CPNE2: variants seen among roughly 807,000 people sequenced by gnomAD.
CPNE2 encodes the protein copine-2.
Under a neutral mutation model 69.7 loss-of-function variants are expected in CPNE2, and 42 were observed. The observed-to-expected ratio is 0.60, with a 90% CI of 0.47 to 0.78. The LOEUF is 0.78. Among genes scored for constraint, CPNE2 ranks in the 30% least tolerant of loss-of-function variants. The probability of loss-of-function intolerance (pLI) is 0.00; values close to 1 mark genes in which losing one functional copy is unlikely to be tolerated. For synonymous variants in CPNE2, 294 were observed against 289.8 expected, an observed-to-expected ratio of 1.01 and a Z score of -0.15; for missense variants, 587 against 732.0, an observed-to-expected ratio of 0.80 and a Z score of 2.29.
chr16:57,096,518 C>G (rs547954544), intron 1 of CPNE2, among the ~76,000 whole-genome samples: 2 of 152,050 alleles, frequency 1.3e-5, no homozygotes, highest in African/African-American at 4.8e-5. Context: ...ATGGCAAAAA[C>G]CCGTCTTTAC....
chr16:57,099,039 T>G (rs1311823489), intron 1 of CPNE2, among the ~76,000 whole-genome samples: 1 of 152,164 alleles, frequency 6.6e-6, no homozygotes, highest in African/African-American at 2.4e-5. Context: ...AACCAACATA[T>G]CTGGGTCACC....
intron 2 of CPNE2, among the ~76,000 whole-genome samples, chr16:57,111,311 G>A (rs757290955): frequency 6.6e-6 from 1 of 151,766 alleles, no homozygotes; most frequent in African/African-American, 2.4e-5. Flanking sequence ...CGATTAGCTG[G>A]GGCTACAGGT....
At chr16:57,135,577 G>A (rs1200053438) in intron 13 of CPNE2, among the ~76,000 whole-genome samples, 16 of 152,036 alleles carry the variant, frequency 1.1e-4, no homozygotes, top group Non-Finnish European at 1.8e-4. Context: ...TGAGGTGGGA[G>A]GAAAGAAAGA....
At chr16:57,117,442 G>T in intron 4 of CPNE2, 54 bp from the exon 5 acceptor site, 2 of 1,582,032 alleles carry the variant, frequency 1.3e-6, no homozygotes, top group South Asian at 2.3e-5. Context: ...GTGCCATCCT[G>T]CCTGGCAGGA....
chr16:57,117,818 T>C (rs1209525473), intron 5 of CPNE2, among the ~76,000 whole-genome samples: 1 of 152,150 alleles, frequency 6.6e-6, no homozygotes, highest in Non-Finnish European at 1.5e-5. Context: ...TCACTTAGTG[T>C]AAGTACATTC....
intron 11 of CPNE2, among the ~76,000 whole-genome samples, chr16:57,127,193 A>G (rs2069806660): frequency 6.6e-6 from 1 of 152,218 alleles, no homozygotes; most frequent in Non-Finnish European, 1.5e-5. Flanking sequence ...AGGGAAATCT[A>G]CAGAGCGAAG....
intron 14 of CPNE2, among the ~76,000 whole-genome samples, chr16:57,138,554 T>G (rs1244984626): frequency 6.6e-6 from 1 of 152,132 alleles, no homozygotes; most frequent in African/African-American, 2.4e-5. Flanking sequence ...ACCCCCCGTG[T>G]GTTCCTCGAG....
chr16:57,123,737 A>C (rs2069780100), intron 10 of CPNE2: 1 of 517,320 alleles, frequency 1.9e-6, no homozygotes, highest in Non-Finnish European at 3.5e-6. Flanking sequence ...CTGCGGGTGG[A>C]GGAAAACAAA....
At chr16:57,124,087 CT>C (rs1187084598) in intron 10 of CPNE2, 628 of 145,272 alleles carry the variant, frequency 4.3e-3, no homozygotes, top group South Asian at 0.011. Context: ...CTTTTCTTTT[CT>C]TTTTTTTTTT....
intron 1 of CPNE2, among the ~76,000 whole-genome samples, chr16:57,101,381 A>C (rs1274358374): frequency 2.6e-5 from 4 of 152,200 alleles, no homozygotes; most frequent in African/African-American, 9.7e-5. Context: ...GGATGCATTC[A>C]AGATACGTTC....
intron 1 of CPNE2, among the ~76,000 whole-genome samples, chr16:57,105,346 A>G (rs1047418508): frequency 1.3e-4 from 20 of 152,080 alleles, no homozygotes; most frequent in South Asian, 2.1e-4. Flanking sequence ...CTCAGCACCA[A>G]TGTCCAAGCC....
At chr16:57,101,387 C>G (rs150653220) in intron 1 of CPNE2, among the ~76,000 whole-genome samples, 1 of 152,198 alleles carries the variant, frequency 6.6e-6, no homozygotes, top group Non-Finnish European at 1.5e-5. Context: ...ATTCAAGATA[C>G]GTTCCAACCC....
intron 14 of CPNE2, among the ~76,000 whole-genome samples, chr16:57,145,355 G>A (rs557982034): frequency 6.6e-6 from 1 of 152,188 alleles, no homozygotes; most frequent in Admixed American, 6.5e-5. Flanking sequence ...TCATAGAATT[G>A]AAAGGCCACT....
chr16:57,094,234 C>T (rs1405568735), intron 1 of CPNE2: 1 of 373,770 alleles, frequency 2.7e-6, no homozygotes, highest in Non-Finnish European at 5.4e-6. Flanking sequence ...CCTTGTCACC[C>T]CTTGGACTTG....
At chr16:57,111,713 T>C (rs1186836811) in intron 2 of CPNE2, among the ~76,000 whole-genome samples, 1 of 152,174 alleles carries the variant, frequency 6.6e-6, no homozygotes, top group Non-Finnish European at 1.5e-5. Flanking sequence ...TATATATTTT[T>C]TTTCTGCTGA....
chr16:57,145,717 T>G, intron 14 of CPNE2: 1 of 248,600 alleles, frequency 4.0e-6, no homozygotes, highest in East Asian at 1.2e-4. Context: ...ACTTTGCAGA[T>G]GAAGAAACTG....
intron 14 of CPNE2, among the ~76,000 whole-genome samples, chr16:57,138,101 C>T (rs1038583886): frequency 2.0e-5 from 3 of 152,212 alleles, no homozygotes; most frequent in Admixed American, 6.5e-5. Context: ...GCTCCAGCGC[C>T]GTGACGGGGA....
intron 1 of CPNE2, among the ~76,000 whole-genome samples, chr16:57,105,828 T>C (rs1350308501): frequency 6.6e-6 from 1 of 152,120 alleles, no homozygotes; most frequent in Non-Finnish European, 1.5e-5. Flanking sequence ...GGACCATGCT[T>C]TAAGCAGGCC....
rs774881469 is a variant in CPNE2 at position 57,125,940 on chromosome 16, C to T, written c.1008C>T (p.Asn336=). The change falls in exon 11 of 16, where the codon AAC becomes AAT. Residue 336 remains asparagine (N), a synonymous_variant. Coordinates refer to ENST00000290776, the MANE Select transcript of CPNE2 (RefSeq NM_152727.6). The part of the protein sequence containing the change: ...SLHYINPMGT[N]EYLSAIWAVG... Reference sequence around the variant, plus strand: ...ACTATATCAACCCTATGGGCACCAACGAATATCTGTCGGCCATCTGGGCTG... The same window carrying T: ...ACTATATCAACCCTATGGGCACCAATGAATATCTGTCGGCCATCTGGGCTG... 15 of 1,614,184 alleles carry T rather than the reference C, an allele frequency of 9.3e-6. No individual in the cohort carries two copies. Among genetic ancestry groups the T allele is most frequent in the Admixed American group, 1.7e-5 (1 of 60,026 alleles).
Sources: gnomAD v4.1 joint callset for allele counts (sites outside exome capture counted in the v4.1 genomes callset) on GRCh38, gnomAD v4.1.1 for gene constraint, MANE v1.5 for transcripts, NCBI Gene and HGNC (gene_info 2026-07-23, HGNC 2026-07-21) for gene names.